FSTL5: variants seen among roughly 807,000 people sequenced by gnomAD.
FSTL5 encodes follistatin-related protein 5.
Under a neutral mutation model 89.1 loss-of-function variants are expected in FSTL5, and 62 were observed. That is an observed-to-expected ratio of 0.70 (90% CI 0.57 to 0.86). The LOEUF (loss-of-function observed/expected upper bound fraction) is 0.86. FSTL5 is among the 40% of genes least tolerant of loss of function. FSTL5 has a pLI of 0.00. For missense variants in FSTL5, 1,057 were observed against 1,001.6 expected (o/e 1.06, Z -0.75); for synonymous variants, 383 against 346.2 (o/e 1.11, Z -1.18).
chr4:161,527,672 T>C (rs890290807), intron 10 of FSTL5, among the ~76,000 whole-genome samples: 5 of 151,550 alleles, frequency 3.3e-5, no homozygotes, highest in Non-Finnish European at 7.4e-5. Context: ...TGTGGAGAAA[T>C]AGGAACACTT....
rs150787155 is a variant in FSTL5, at chr4:161,692,833, C to T, written c.728-36339G>A. 6.0e-3 allele frequency among the ~76,000 whole-genome samples: 907 copies of T among 152,216 alleles called. 13 individuals carry two copies. Among genetic ancestry groups the T allele is most frequent in the South Asian group, 0.048 (229 of 4,816 alleles). ...CCAACTCCCTAGTTCAAGTGATTCT[C>T]CTGCCTCAGCCTTACAAGTAGCTAG... On this transcript the variant is annotated intron_variant, in intron 6 of 15. Transcript: ENST00000306100.
Position 161,491,745 on chromosome 4 carries a change from C to T in FSTL5, c.1458+8271G>A, listed in dbSNP as rs550041355. ...AATCCCAGCTACTGCAGAGCTGAGGCAGGAGACTGGCTTAAGCCCCAGAGG... is the reference window on the plus strand; with the variant it reads ...AATCCCAGCTACTGCAGAGCTGAGGTAGGAGACTGGCTTAAGCCCCAGAGG... On this transcript the variant is annotated intron_variant, in intron 12 of 15. Coordinates refer to ENST00000306100, the MANE Select transcript of FSTL5 (RefSeq NM_020116.5). Among the ~76,000 whole-genome samples the T allele has an allele frequency of 8.6e-4, 130 of 151,650 alleles. 1 individual carries two copies. Among genetic ancestry groups the T allele is most frequent in the African/African-American group, 3.1e-3 (128 of 41,350 alleles).
intron 3 of FSTL5, among the ~76,000 whole-genome samples, chr4:161,977,130 G>T (rs756033446): frequency 2.0e-5 from 3 of 152,162 alleles, no homozygotes; most frequent in Admixed American, 1.3e-4. Flanking sequence ...TACAATGCCT[G>T]AGAAGAAATG....
intron 4 of FSTL5, among the ~76,000 whole-genome samples, chr4:161,897,785 G>A (rs1733215133): frequency 6.6e-6 from 1 of 151,506 alleles, no homozygotes; most frequent in Non-Finnish European, 1.5e-5. Flanking sequence ...ATTTGGTTCT[G>A]TGGATTTTTG....
At chr4:161,441,078 C>T (rs895056759) in intron 15 of FSTL5, among the ~76,000 whole-genome samples, 8 of 152,056 alleles carry the variant, frequency 5.3e-5, no homozygotes, top group Non-Finnish European at 7.4e-5. Flanking sequence ...TCCATATCAT[C>T]TTTGTTACAG....
chr4:161,861,165 G>C (rs968750478), intron 4 of FSTL5, among the ~76,000 whole-genome samples: 2 of 152,142 alleles, frequency 1.3e-5, no homozygotes, highest in African/African-American at 4.8e-5. Context: ...GCTCACGTCT[G>C]TAATCCCAGC....
At chr4:161,400,672 T>G (rs1224313577) in intron 15 of FSTL5, among the ~76,000 whole-genome samples, 1 of 152,132 alleles carries the variant, frequency 6.6e-6, no homozygotes, top group African/African-American at 2.4e-5. Flanking sequence ...AAATATTACA[T>G]ATAGAAACAT....
intron 4 of FSTL5, among the ~76,000 whole-genome samples, chr4:161,889,748 C>T (rs765364262): frequency 5.3e-5 from 8 of 152,190 alleles, no homozygotes; most frequent in Non-Finnish European, 1.2e-4. Context: ...ATGTGCATGA[C>T]TGTAATCCAG....
intron 7 of FSTL5, among the ~76,000 whole-genome samples, chr4:161,630,342 C>G (rs1735463452): frequency 6.6e-6 from 1 of 152,156 alleles, no homozygotes; most frequent in South Asian, 2.1e-4. Flanking sequence ...TTGACTGTTG[C>G]TTTCGTCTTG....
intron 2 of FSTL5, among the ~76,000 whole-genome samples, chr4:162,100,197 A>G (rs1284945695): frequency 6.6e-6 from 1 of 152,256 alleles, no homozygotes. Flanking sequence ...ATGTAAAAAC[A>G]AACTGTGGTA....
At chr4:161,860,055 A>G (rs146447137) in intron 4 of FSTL5, among the ~76,000 whole-genome samples, 4,441 of 152,232 alleles carry the variant, frequency 0.029, 95 homozygotes, top group Middle Eastern at 0.044. Context: ...TTGGGAGGCC[A>G]AGGTGGGCGG....
At chr4:161,448,492 G>C (rs1416990173) in intron 15 of FSTL5, among the ~76,000 whole-genome samples, 2 of 152,064 alleles carry the variant, frequency 1.3e-5, no homozygotes. Flanking sequence ...AAATATGGGG[G>C]AGAATGATAT....
intron 4 of FSTL5, 67 bp downstream of exon 4, chr4:161,920,337 T>G: frequency 6.6e-7 from 1 of 1,508,258 alleles, no homozygotes; most frequent in Non-Finnish European, 9.0e-7. Context: ...TGCTAGAGTT[T>G]AAAGGCACTA....
At chr4:161,407,946 C>T (rs550833539) in intron 15 of FSTL5, among the ~76,000 whole-genome samples, 1 of 152,180 alleles carries the variant, frequency 6.6e-6, no homozygotes, top group African/African-American at 2.4e-5. Context: ...GGTCCTAGTA[C>T]CAGAGAGCTG....
At chr4:161,944,914 C>T (rs1481437675) in intron 3 of FSTL5, among the ~76,000 whole-genome samples, 3 of 151,212 alleles carry the variant, frequency 2.0e-5, no homozygotes, top group Non-Finnish European at 4.4e-5. Flanking sequence ...TATTCAAAGG[C>T]CCCTTAATAA....
At chr4:162,076,541 A>G (rs1579007990) in intron 2 of FSTL5, among the ~76,000 whole-genome samples, 1 of 151,606 alleles carries the variant, frequency 6.6e-6, no homozygotes, top group African/African-American at 2.4e-5. Flanking sequence ...TGTGAGACAA[A>G]CCCACAATTA....
At chr4:161,801,652 T>C (rs535994054) in intron 4 of FSTL5, among the ~76,000 whole-genome samples, 54 of 151,358 alleles carry the variant, frequency 3.6e-4, no homozygotes, top group South Asian at 8.3e-4. Flanking sequence ...CTTGTAAAAC[T>C]GTAGGTGAAT....
At chr4:161,856,350 TA>T (rs1051501802) in intron 4 of FSTL5, among the ~76,000 whole-genome samples, 17 of 152,152 alleles carry the variant, frequency 1.1e-4, no homozygotes, top group Middle Eastern at 3.4e-3. Flanking sequence ...TTTTCTGTGA[TA>T]TTTTTCAAGG....
intron 15 of FSTL5, among the ~76,000 whole-genome samples, chr4:161,408,459 A>G (rs1731466797): frequency 6.6e-6 from 1 of 152,332 alleles, no homozygotes; most frequent in Admixed American, 6.5e-5. Context: ...TTAAAGAAAT[A>G]CCAGCCCTCC....
Sources: allele counts gnomAD v4.1 joint callset (sites outside exome capture counted in the v4.1 genomes callset), GRCh38; gene constraint gnomAD v4.1.1; transcripts MANE v1.5; gene names NCBI Gene and HGNC (gene_info 2026-07-23, HGNC 2026-07-21).